The following KCND3 variants were observed in gnomAD, a reference collection of about 807,000 sequenced individuals.
The protein encoded by KCND3 is potassium voltage-gated channel subfamily D member 3.
A neutral mutation model predicts 51.1 loss-of-function variants in KCND3; 9 were observed. The ratio of observed to expected loss-of-function variants is 0.18; its 90% CI spans 0.11 to 0.31. The LOEUF is 0.31. KCND3 is among the 10% of genes least tolerant of loss of function. The probability of loss-of-function intolerance (pLI) is 1.00; values close to 1 mark genes in which losing one functional copy is unlikely to be tolerated. For missense variants in KCND3, 526 were observed against 903.8 expected (o/e 0.58, Z 5.36); for synonymous variants, 349 against 368.0 (o/e 0.95, Z 0.59).
At chr1:111,868,129 G>A (rs115070547) in intron 2 of KCND3, among the ~76,000 whole-genome samples, 1,602 of 152,260 alleles carry the variant, frequency 0.011, 31 homozygotes, top group African/African-American at 0.036. Context: ...GGTCAACCAT[G>A]GTCTGAAAAT....
chr1:111,841,259 C>A (rs1222993997), intron 2 of KCND3, among the ~76,000 whole-genome samples: 1 of 152,204 alleles, frequency 6.6e-6, no homozygotes, highest in East Asian at 1.9e-4. Flanking sequence ...CTCTGGCTCA[C>A]AGATTCAGAC....
At position 111,884,253 on chromosome 1, in the gene KCND3, C is replaced by T. The variant is rs180679167; in HGVS notation, c.1107-97147G>A. Among the ~76,000 whole-genome samples, 16 of 152,318 alleles carry T rather than the reference C, an allele frequency of 1.1e-4. No homozygotes were observed. In the East Asian group the frequency reaches 2.9e-3, roughly 28 times the overall value. On this transcript the variant is annotated intron_variant, in intron 2 of 7. Transcript: ENST00000302127. The stretch of plus-strand genomic sequence containing the variant: ...AGTTTCAACTCAATTCTCTTGGACT[C>T]AGTCTTCTACACAGGTATAGGTGGG...
At chr1:111,815,212 G>A (rs914590919) in intron 2 of KCND3, among the ~76,000 whole-genome samples, 2 of 152,104 alleles carry the variant, frequency 1.3e-5, no homozygotes, top group African/African-American at 2.4e-5. Flanking sequence ...CTCAGCTCTC[G>A]GAGGGCTGAG....
At chr1:111,865,746 C>T (rs887606340) in intron 2 of KCND3, among the ~76,000 whole-genome samples, 1 of 152,178 alleles carries the variant, frequency 6.6e-6, no homozygotes, top group South Asian at 2.1e-4. Context: ...ACTCTGTTGT[C>T]CAGGCTGGAG....
At chr1:111,935,492 A>G (rs931701227) in intron 2 of KCND3, among the ~76,000 whole-genome samples, 3 of 152,078 alleles carry the variant, frequency 2.0e-5, no homozygotes, top group African/African-American at 7.2e-5. Flanking sequence ...CAGAGAGGAA[A>G]AACATGTCCT....
At chr1:111,872,432 G>A (rs930543956) in intron 2 of KCND3, among the ~76,000 whole-genome samples, 14 of 152,140 alleles carry the variant, frequency 9.2e-5, no homozygotes, top group African/African-American at 3.4e-4. Context: ...AAATTTATTT[G>A]ACCTGTGAAC....
chr1:111,951,645 C>T lies in KCND3; in HGVS notation c.1106+29976G>A, dbSNP rs368064378. ...TGTTAAGATACAATAGAGAATAAAA[C>T]AGTTCCCTGCCCTTGTGGAGTTCAC... On this transcript the variant is annotated intron_variant, in intron 2 of 7. Transcript: ENST00000302127. 4.5e-4 allele frequency among the ~76,000 whole-genome samples: 68 copies of T among 152,312 alleles called. 1 individual carries two copies. Among genetic ancestry groups the T allele is most frequent in the African/African-American group, 1.6e-3 (67 of 41,582 alleles).
chr1:111,838,918 C>T (rs1667199354), intron 2 of KCND3, among the ~76,000 whole-genome samples: 2 of 152,040 alleles, frequency 1.3e-5, no homozygotes, highest in Admixed American at 1.3e-4. Context: ...TGAAATCACG[C>T]TATATGCCAA....
intron 2 of KCND3, among the ~76,000 whole-genome samples, chr1:111,892,044 G>A (rs538959504): frequency 6.6e-5 from 10 of 152,110 alleles, no homozygotes; most frequent in African/African-American, 1.2e-4. Flanking sequence ...AAACTGTGTC[G>A]TCAGTCTTAC....
At chr1:111,903,549 G>A (rs1325456853) in intron 2 of KCND3, among the ~76,000 whole-genome samples, 1 of 152,250 alleles carries the variant, frequency 6.6e-6, no homozygotes, top group African/African-American at 2.4e-5. Context: ...TGCTCATTAA[G>A]CAGCAGGGTG....
chr1:111,779,254 G>A (rs1664265929), intron 5 of KCND3, among the ~76,000 whole-genome samples: 1 of 151,920 alleles, frequency 6.6e-6, no homozygotes, highest in Non-Finnish European at 1.5e-5. Context: ...GAGGCCAGGA[G>A]TTTTAAGACC....
intron 2 of KCND3, among the ~76,000 whole-genome samples, chr1:111,924,380 T>C (rs976640781): frequency 1.4e-4 from 22 of 152,238 alleles, no homozygotes; most frequent in African/African-American, 2.7e-4. Context: ...TTACACCCTA[T>C]AGAACACTGT....
intron 2 of KCND3, among the ~76,000 whole-genome samples, chr1:111,918,487 C>T (rs1671330000): frequency 6.6e-6 from 1 of 152,132 alleles, no homozygotes; most frequent in South Asian, 2.1e-4. Context: ...GACACAGTCC[C>T]ACCACTAACC....
chr1:111,884,346 T>C (rs1338601160), intron 2 of KCND3, among the ~76,000 whole-genome samples: 2 of 152,324 alleles, frequency 1.3e-5, no homozygotes, highest in East Asian at 3.9e-4. Context: ...CCTGCCTAAG[T>C]GGGAAATGGC....
intron 2 of KCND3, among the ~76,000 whole-genome samples, chr1:111,857,536 CAGA>C (rs1668135800): frequency 6.6e-6 from 1 of 152,160 alleles, no homozygotes; most frequent in Admixed American, 6.5e-5. Flanking sequence ...AACCCTCAGT[CAGA>C]AGAACAGTGT....
chr1:111,982,814 G>C lies in KCND3; in HGVS notation c.-72-16C>G. On this transcript the variant is annotated splice_polypyrimidine_tract_variant and intron_variant, in intron 1 of 7. Coordinates refer to ENST00000302127, the MANE Select transcript of KCND3 (RefSeq NM_001378969.1). The surrounding 1 kb of genome is among the most constrained non-coding windows in gnomAD (Gnocchi z 8.5). ...TCAGCAAACCCTGGGAGACAGGAGG[G>C]GAGAGAGAGAAGCGGTGAGTCCATA... is the stretch of plus-strand genomic sequence containing the variant. The C allele has an allele frequency of 4.0e-6, 6 of 1,518,478 alleles. No individual in the cohort carries two copies. The highest frequency in any genetic ancestry group is 5.3e-6 in the Non-Finnish European group (6 of 1,131,484). The allele number at this position is 1,518,478 out of a possible 1,614,324, so 94.1% of individuals were successfully genotyped here. A position where few individuals can be genotyped will look rare whatever the true frequency, so the allele number is the denominator to read the frequency against.
intron 2 of KCND3, among the ~76,000 whole-genome samples, chr1:111,796,585 C>T: frequency 6.6e-6 from 1 of 152,116 alleles, no homozygotes; most frequent in Admixed American, 6.5e-5. Context: ...GATGAGAACA[C>T]ATGGACACAT....
At chr1:111,840,679 C>T (rs1259908651) in intron 2 of KCND3, among the ~76,000 whole-genome samples, 1 of 152,214 alleles carries the variant, frequency 6.6e-6, no homozygotes, top group African/African-American at 2.4e-5. Context: ...CCCTGTCCCA[C>T]CTAAGCTGTA....
chr1:111,891,241 C>A (rs605604), intron 2 of KCND3, among the ~76,000 whole-genome samples: 116,454 of 152,126 alleles, frequency 0.77, 44,796 homozygotes, highest in East Asian at 1. Context: ...TATCAGGTTA[C>A]AAAGAAAAAA....
Sources: gnomAD v4.1 joint callset for allele counts (sites outside exome capture counted in the v4.1 genomes callset) on GRCh38, gnomAD v4.1.1 for gene constraint, Gnocchi (gnomAD v3.1) non-coding constraint, MANE v1.5 for transcripts, NCBI Gene and HGNC (gene_info 2026-07-23, HGNC 2026-07-21) for gene names.